The following GALNT17 variants were observed in gnomAD, a reference collection of about 807,000 sequenced individuals.
GALNT17 encodes the protein UDP-GalNAc:polypeptide N-acetylgalactosaminyltransferase-like 3.
GALNT17 carries 29 observed loss-of-function variants against 63.7 expected under a neutral mutation model. The ratio of observed to expected loss-of-function variants is 0.46; its 90% CI spans 0.34 to 0.62. The LOEUF is 0.62. Ranked by LOEUF, GALNT17 falls within the 20% of genes least tolerant of loss-of-function variation. The probability of loss-of-function intolerance (pLI) is 0.01; values close to 1 mark genes in which losing one functional copy is unlikely to be tolerated. For missense variants in GALNT17, 603 were observed against 799.6 expected (o/e 0.75, Z 2.97); for synonymous variants, 305 against 318.3 (o/e 0.96, Z 0.45).
chr7:71,634,604 A>G (rs934659987), intron 6 of GALNT17, among the ~76,000 whole-genome samples: 5 of 151,896 alleles, frequency 3.3e-5, no homozygotes, highest in African/African-American at 1.2e-4. Flanking sequence ...AAATACAGAA[A>G]TTAGCCATGT....
At chr7:71,612,136 A>G (rs1790134858) in intron 6 of GALNT17, among the ~76,000 whole-genome samples, 1 of 152,202 alleles carries the variant, frequency 6.6e-6, no homozygotes, top group East Asian at 1.9e-4. Context: ...CCCAGTGCAG[A>G]AGATTTTTTC....
intron 9 of GALNT17, among the ~76,000 whole-genome samples, chr7:71,689,744 G>T (rs1001103487): frequency 1.3e-5 from 2 of 152,224 alleles, no homozygotes; most frequent in Non-Finnish European, 2.9e-5. Flanking sequence ...AACGTAGACA[G>T]AACAGCCTTC....
chr7:71,517,041 G>T lies in GALNT17; in HGVS notation c.963-54244G>T, dbSNP rs552920200. ...CTCAGAGCTTGAAGTCACCCCAGGGGCTCCTTTACAGTAATGTGGGGATGT... is the reference window on the plus strand; with the variant it reads ...CTCAGAGCTTGAAGTCACCCCAGGGTCTCCTTTACAGTAATGTGGGGATGT... On this transcript the variant is annotated intron_variant, in intron 5 of 10. Coordinates refer to ENST00000333538, the MANE Select transcript of GALNT17 (RefSeq NM_022479.3). Among the ~76,000 whole-genome samples the T allele has an allele frequency of 3.2e-4, 49 of 152,250 alleles. 1 individual carries two copies. Among genetic ancestry groups the T allele is most frequent in the African/African-American group, 1.2e-3 (48 of 41,536 alleles).
In GALNT17 at chr7:71,507,276, C is replaced by T. The variant is rs567890684; in HGVS notation, c.963-64009C>T. Among the ~76,000 whole-genome samples the T allele has an allele frequency of 1.4e-4, 22 of 152,272 alleles. No individual in the cohort carries two copies. The South Asian group carries it at 1.7e-3, about 11-fold the overall frequency. ...TAAATAAAATAAAAGGCACATTCAA[C>T]GCACCAAAAAGTCTACTGTTAAGCC... On this transcript the variant is annotated intron_variant, in intron 5 of 10. Transcript: ENST00000333538.
intron 5 of GALNT17, among the ~76,000 whole-genome samples, chr7:71,503,949 C>G (rs541491021): frequency 6.6e-6 from 1 of 151,966 alleles, no homozygotes; most frequent in Non-Finnish European, 1.5e-5. Context: ...CAAAAAATGG[C>G]CAGGCGCGGT....
intron 1 of GALNT17, among the ~76,000 whole-genome samples, chr7:71,147,825 G>T (rs1205960382): frequency 6.6e-6 from 1 of 151,932 alleles, no homozygotes; most frequent in Non-Finnish European, 1.5e-5. Flanking sequence ...TAGAGATGAG[G>T]TTTCACTATG....
At chr7:71,630,578 G>T (rs1481381602) in intron 6 of GALNT17, among the ~76,000 whole-genome samples, 1 of 152,160 alleles carries the variant, frequency 6.6e-6, no homozygotes, top group Non-Finnish European at 1.5e-5. Context: ...CCATTTAGTG[G>T]ACAATCTCAT....
chr7:71,445,169 TTC>T (rs1491297862), intron 5 of GALNT17, among the ~76,000 whole-genome samples: 1 of 149,708 alleles, frequency 6.7e-6, no homozygotes, highest in African/African-American at 2.5e-5. Context: ...ACCTTTTTTT[TTC>T]TTTCTTTCTT....
At chr7:71,608,500 C>T (rs1012292462) in intron 6 of GALNT17, among the ~76,000 whole-genome samples, 9 of 152,130 alleles carry the variant, frequency 5.9e-5, no homozygotes, top group Admixed American at 1.3e-4. Flanking sequence ...CAAGTAGTAT[C>T]AACATAATGA....
intron 5 of GALNT17, among the ~76,000 whole-genome samples, chr7:71,490,851 G>A (rs1425246970): frequency 6.6e-6 from 1 of 152,088 alleles, no homozygotes; most frequent in Non-Finnish European, 1.5e-5. Context: ...AGTGAGCTAT[G>A]ATCGCACCAC....
intron 3 of GALNT17, among the ~76,000 whole-genome samples, chr7:71,403,105 G>A (rs1054691145): frequency 1.3e-5 from 2 of 152,146 alleles, no homozygotes; most frequent in Non-Finnish European, 2.9e-5. Context: ...GAATGAGAGT[G>A]TGTATCTTTA....
At chr7:71,661,923 A>G (rs2117039318) in intron 6 of GALNT17, among the ~76,000 whole-genome samples, 1 of 152,040 alleles carries the variant, frequency 6.6e-6, no homozygotes, top group East Asian at 1.9e-4. Context: ...CTGTTACACC[A>G]TCTCCCTCCC....
Position 71,539,848 on chromosome 7 carries a change from G to A in GALNT17, c.963-31437G>A, listed in dbSNP as rs1788859522. Among the ~76,000 whole-genome samples, 4 of 150,992 alleles carry A rather than the reference G, an allele frequency of 2.6e-5. No individual in the cohort carries two copies. In the South Asian group the frequency reaches 8.4e-4, roughly 32 times the overall value. On this transcript the variant is annotated intron_variant, in intron 5 of 10. Coordinates refer to ENST00000333538, the MANE Select transcript of GALNT17 (RefSeq NM_022479.3). ...TCCAAGTAGCTGGGACTACAGTCTG[G>A]AGCTACTATGGTAGCACAAGTAGGT...
chr7:71,512,219 G>C (rs1788368644), intron 5 of GALNT17, among the ~76,000 whole-genome samples: 1 of 152,036 alleles, frequency 6.6e-6, no homozygotes, highest in African/African-American at 2.4e-5. Flanking sequence ...TACGCAGGCT[G>C]GTCTCAAACT....
At chr7:71,573,062 G>A (rs1789476725) in intron 6 of GALNT17, among the ~76,000 whole-genome samples, 4 of 151,580 alleles carry the variant, frequency 2.6e-5, no homozygotes, top group Admixed American at 1.3e-4. Context: ...CAGGCTGGGT[G>A]CAGTGGTGTG....
intron 2 of GALNT17, among the ~76,000 whole-genome samples, chr7:71,338,435 G>C (rs897992665): frequency 6.6e-6 from 1 of 152,060 alleles, no homozygotes; most frequent in African/African-American, 2.4e-5. Context: ...GAGGCTGAGG[G>C]TCACCTGAGT....
At chr7:71,372,098 A>G (rs1048368335) in intron 2 of GALNT17, among the ~76,000 whole-genome samples, 8 of 152,204 alleles carry the variant, frequency 5.3e-5, no homozygotes, top group African/African-American at 9.7e-5. Flanking sequence ...TTCCCGCGGC[A>G]GCTTCCTGAT....
chr7:71,232,942 A>G (rs1437956028), intron 1 of GALNT17, among the ~76,000 whole-genome samples: 1 of 151,976 alleles, frequency 6.6e-6, no homozygotes, highest in African/African-American at 2.4e-5. Flanking sequence ...CTCCTATCTC[A>G]GAAGTAGCAT....
rs999092595 is a variant in GALNT17, at chr7:71,155,366, C to T, written c.238+22326C>T. ...TCGGCTCACTGCACCCCCAACCTCC[C>T]GGGCTCAAGCAATTCTTGTGCCTTA... is the stretch of plus-strand genomic sequence containing the variant. On this transcript the variant is annotated intron_variant, in intron 1 of 10. Coordinates refer to ENST00000333538, the MANE Select transcript of GALNT17 (RefSeq NM_022479.3). 7.3e-5 allele frequency among the ~76,000 whole-genome samples: 11 copies of T among 151,674 alleles called. 1 individual carries two copies. Among genetic ancestry groups the T allele is most frequent in the Admixed American group, 3.3e-4 (5 of 15,238 alleles).
Sources: allele counts gnomAD v4.1 joint callset (sites outside exome capture counted in the v4.1 genomes callset), GRCh38; gene constraint gnomAD v4.1.1; transcripts MANE v1.5; gene names NCBI Gene and HGNC (gene_info 2026-07-23, HGNC 2026-07-21).